Variants in NELL2 observed in about 807,000 individuals in gnomAD.
The protein encoded by NELL2 is protein kinase C-binding protein NELL2.
In NELL2, 41 loss-of-function variants were observed where a neutral mutation model predicts 109.6. The observed-to-expected ratio is 0.37, with a 90% confidence interval of 0.29 to 0.49. The LOEUF (loss-of-function observed/expected upper bound fraction) is 0.49, where lower values mean the gene tolerates loss of function less well. Ranked by LOEUF, NELL2 falls within the 20% of genes least tolerant of loss-of-function variation. The pLI is 0.98. For synonymous variants in NELL2, 355 were observed against 344.7 expected (o/e 1.03, Z -0.33); for missense variants, 900 against 1,008.3 (o/e 0.89, Z 1.45).
At position 44,597,738 on chromosome 12, in the gene NELL2, C is replaced by A. The variant is rs78488266; in HGVS notation, c.1663+9431G>T. 1.1e-3 allele frequency among the ~76,000 whole-genome samples: 174 copies of A among 152,216 alleles called. 5 individuals are homozygous for A. The East Asian group carries it at 0.033, about 29-fold the overall frequency. On this transcript the variant is annotated intron_variant, in intron 15 of 19. Transcript: ENST00000429094. ...AATCATAGGTTCCATCTCTACTTTC[C>A]ATGGAACTCATACTCCAGTGGGAGG...
At chr12:44,592,722 T>A (rs1020021840) in intron 15 of NELL2, among the ~76,000 whole-genome samples, 1 of 152,142 alleles carries the variant, frequency 6.6e-6, no homozygotes, top group African/African-American at 2.4e-5. Flanking sequence ...TACCAAGATA[T>A]GTGCTATTGC....
chr12:44,578,732 G>A (rs17094813), intron 15 of NELL2, among the ~76,000 whole-genome samples: 9,455 of 151,962 alleles, frequency 0.062, 933 homozygotes, highest in African/African-American at 0.21. Context: ...GAAAAATTTG[G>A]AGAGTTTTTA....
chr12:44,537,351 G>A (rs1942340031), intron 15 of NELL2, among the ~76,000 whole-genome samples: 1 of 148,178 alleles, frequency 6.7e-6, no homozygotes. Flanking sequence ...ATGTGCAAAT[G>A]TCTAGAATAA....
intron 2 of NELL2, among the ~76,000 whole-genome samples, chr12:44,866,692 T>C (rs1415465289): frequency 1.3e-5 from 2 of 151,894 alleles, no homozygotes; most frequent in Non-Finnish European, 2.9e-5. Context: ...CAGAGAGTTG[T>C]TTTCTAATGA....
intron 13 of NELL2, among the ~76,000 whole-genome samples, chr12:44,644,863 G>A (rs1315299412): frequency 6.6e-6 from 1 of 151,516 alleles, no homozygotes; most frequent in Admixed American, 6.6e-5. Context: ...CTTGTTTTGT[G>A]GGTGTACAGA....
At chr12:44,532,464 G>A (rs1229538488) in intron 16 of NELL2, 117 bp downstream of exon 16, 3 of 946,838 alleles carry the variant, frequency 3.2e-6, no homozygotes, top group South Asian at 4.5e-5. Context: ...AATCACTGTT[G>A]TATACACATA....
At chr12:44,869,580 G>A (rs1945104619) in intron 2 of NELL2, among the ~76,000 whole-genome samples, 1 of 149,700 alleles carries the variant, frequency 6.7e-6, no homozygotes, top group African/African-American at 2.5e-5. Context: ...GTATGTCATG[G>A]GGATTCACTC....
chr12:44,520,622 T>A (rs572685409), intron 18 of NELL2, among the ~76,000 whole-genome samples: 11 of 152,336 alleles, frequency 7.2e-5, no homozygotes, highest in Admixed American at 5.9e-4. Flanking sequence ...CTATTATTAA[T>A]TCCTTTATGC....
chr12:44,746,957 C>G (rs1458550032), intron 9 of NELL2, among the ~76,000 whole-genome samples: 1 of 152,002 alleles, frequency 6.6e-6, no homozygotes, highest in Non-Finnish European at 1.5e-5. Context: ...GGGTATATAC[C>G]CAAAGGATTA....
rs374548461 is a variant in NELL2, at chr12:44,529,215, T to TGG, written c.1804+3364_1804+3365dup. The stretch of plus-strand genomic sequence containing the variant: ...AGATGTTAACAGAGGTGGTGAGGGG[T>TGG]GGTCAGACTGGGAATATATTTTGAA... On this transcript the variant is annotated intron_variant, in intron 16 of 19. Coordinates refer to ENST00000429094, the MANE Select transcript of NELL2 (RefSeq NM_001145108.2). 1.7e-3 allele frequency among the ~76,000 whole-genome samples: 251 copies of TGG among 152,018 alleles called. 1 individual carries two copies. Among genetic ancestry groups the TGG allele is most frequent in the African/African-American group, 5.8e-3 (239 of 41,460 alleles).
chr12:44,829,679 A>G (rs1773448126), intron 2 of NELL2, among the ~76,000 whole-genome samples: 1 of 152,108 alleles, frequency 6.6e-6, no homozygotes, highest in Non-Finnish European at 1.5e-5. Flanking sequence ...ACCAGTCATT[A>G]CTGTATGAAG....
chr12:44,771,831 A>T (rs1941563642), intron 9 of NELL2, among the ~76,000 whole-genome samples: 2 of 152,222 alleles, frequency 1.3e-5, no homozygotes, highest in African/African-American at 4.8e-5. Flanking sequence ...AAGCTGCAAA[A>T]TAGGACTGCC....
chr12:44,594,627 T>C (rs1388577749), intron 15 of NELL2, among the ~76,000 whole-genome samples: 1 of 152,152 alleles, frequency 6.6e-6, no homozygotes, highest in East Asian at 1.9e-4. Context: ...ATACTGCTTA[T>C]AGACAAATTT....
At chr12:44,615,946 C>A (rs1435645454) in intron 13 of NELL2, among the ~76,000 whole-genome samples, 2 of 152,172 alleles carry the variant, frequency 1.3e-5, no homozygotes, top group African/African-American at 4.8e-5. Context: ...AACCAGCTAA[C>A]AGAACTTAGA....
At chr12:44,727,284 G>T (rs543272359) in intron 9 of NELL2, among the ~76,000 whole-genome samples, 1 of 152,202 alleles carries the variant, frequency 6.6e-6, no homozygotes, top group African/African-American at 2.4e-5. Context: ...GAATCCAGAT[G>T]ATTCTAATGT....
intron 3 of NELL2, 88 bp downstream of exon 3, chr12:44,815,898 G>A: frequency 7.0e-7 from 1 of 1,434,348 alleles, no homozygotes; most frequent in Non-Finnish European, 9.4e-7. Flanking sequence ...AGATATACAA[G>A]AGAAGAAAGC....
intron 13 of NELL2, among the ~76,000 whole-genome samples, chr12:44,620,287 C>T (rs1477548018): frequency 1.3e-5 from 2 of 152,046 alleles, no homozygotes; most frequent in African/African-American, 4.8e-5. Flanking sequence ...ACATGGTAAA[C>T]CCGTGGGTCT....
intron 2 of NELL2, among the ~76,000 whole-genome samples, chr12:44,817,504 A>G (rs1943391732): frequency 6.6e-6 from 1 of 152,158 alleles, no homozygotes; most frequent in Non-Finnish European, 1.5e-5. Flanking sequence ...GTCAGGGGGG[A>G]AAGTAGCCAA....
chr12:44,520,260 G>T, intron 18 of NELL2, 31 bp from the exon 19 acceptor site: 2 of 1,559,814 alleles, frequency 1.3e-6, no homozygotes, highest in South Asian at 1.2e-5. Flanking sequence ...CAAGGGCAGA[G>T]GGAGAGGGAG....
Sources: allele counts gnomAD v4.1 joint callset (sites outside exome capture counted in the v4.1 genomes callset), GRCh38; gene constraint gnomAD v4.1.1; transcripts MANE v1.5; gene names NCBI Gene and HGNC (gene_info 2026-07-23, HGNC 2026-07-21).